PBRM1: variants seen among roughly 807,000 people sequenced by gnomAD.
The protein encoded by PBRM1 is polybromo 1.
Under a neutral mutation model 194.5 loss-of-function variants are expected in PBRM1, and 27 were observed. The ratio of observed to expected loss-of-function variants is 0.14; its 90% confidence interval spans 0.10 to 0.19. The LOEUF is 0.19. Ranked by LOEUF, PBRM1 falls within the 10% of genes least tolerant of loss-of-function variation. PBRM1 has a pLI of 1.00. For missense variants in PBRM1, 1,466 were observed against 2,077.2 expected (o/e 0.71, Z 5.72); for synonymous variants, 655 against 693.2 (o/e 0.94, Z 0.87).
intron 17 of PBRM1, among the ~76,000 whole-genome samples, chr3:52,602,646 C>T (rs1300008756): frequency 1.3e-5 from 2 of 152,226 alleles, no homozygotes; most frequent in Non-Finnish European, 2.9e-5. Flanking sequence ...CCACTTTTAG[C>T]TGGCAAAGTC....
chr3:52,678,453 C>T (rs2154056302), intron 2 of PBRM1, 47 bp downstream of exon 3: 1 of 1,260,436 alleles, frequency 7.9e-7, no homozygotes. Context: ...TACACATGGA[C>T]TCTGGACCAA....
At chr3:52,628,827 CA>C in intron 12 of PBRM1, 66 bp downstream of exon 13, 1 of 1,411,638 alleles carries the variant, frequency 7.1e-7, no homozygotes, top group Non-Finnish European at 1.0e-6. Context: ...TACTAGAACA[CA>C]CTCAAAACAT....
chr3:52,613,555 G>A (rs969376724), intron 15 of PBRM1, among the ~76,000 whole-genome samples: 1 of 151,954 alleles, frequency 6.6e-6, no homozygotes, highest in Admixed American at 6.6e-5. Flanking sequence ...TGTTGCCCAG[G>A]CTGGTCTCAA....
intron 20 of PBRM1, among the ~76,000 whole-genome samples, chr3:52,584,320 A>G (rs1031558219): frequency 2.0e-5 from 3 of 152,104 alleles, no homozygotes; most frequent in African/African-American, 7.2e-5. Flanking sequence ...CTTTACTTTC[A>G]AAAGTCTTAC....
intron 4 of PBRM1, among the ~76,000 whole-genome samples, chr3:52,659,870 T>C (rs1398005126): frequency 6.6e-6 from 1 of 152,184 alleles, no homozygotes; most frequent in Non-Finnish European, 1.5e-5. Context: ...AGTGGGAGGA[T>C]CACCTGAGGT....
intron 17 of PBRM1, among the ~76,000 whole-genome samples, chr3:52,595,396 T>A (rs1453232747): frequency 2.0e-5 from 3 of 152,116 alleles, no homozygotes; most frequent in Non-Finnish European, 4.4e-5. Context: ...TTAACTGGAG[T>A]GATATGATAT....
intron 2 of PBRM1, among the ~76,000 whole-genome samples, chr3:52,670,450 G>C (rs2096923312): frequency 6.6e-6 from 1 of 152,114 alleles, no homozygotes; most frequent in Non-Finnish European, 1.5e-5. Context: ...CTTCTCTATA[G>C]GCACATGTAC....
intron 2 of PBRM1, among the ~76,000 whole-genome samples, chr3:52,675,613 T>G (rs1561090775): frequency 1.3e-5 from 2 of 152,192 alleles, no homozygotes; most frequent in Admixed American, 1.3e-4. Flanking sequence ...TTTAAGTATT[T>G]TGCCACTGAA....
At chr3:52,554,504 G>A (rs2081795023) in intron 27 of PBRM1, among the ~76,000 whole-genome samples, 1 of 152,256 alleles carries the variant, frequency 6.6e-6, no homozygotes, top group South Asian at 2.1e-4. Flanking sequence ...CCTCTGCCAT[G>A]TGTGCTGTGC....
chr3:52,588,775 C>A (rs1237255718), intron 18 of PBRM1, among the ~76,000 whole-genome samples: 1 of 152,006 alleles, frequency 6.6e-6, no homozygotes, highest in Admixed American at 6.6e-5. Context: ...CCAGGATGGT[C>A]TCGATTTCCT....
rs1363912866 is a variant in PBRM1, at chr3:52,561,449, A to G, written c.4288+318T>C. Among the ~76,000 whole-genome samples the G allele has an allele frequency of 2.0e-5, 3 of 152,248 alleles. No individual in the cohort carries two copies. In the East Asian group the frequency reaches 5.8e-4, roughly 29 times the overall value. On this transcript the variant is annotated intron_variant, in intron 25 of 29. Coordinates refer to ENST00000296302, the Ensembl canonical transcript of PBRM1. Reference sequence around the variant, plus strand: ...AAAATTATATTTAACATCATTGTACAATAATTCCCTAGCTCAACATGTGTG... The same window carrying G: ...AAAATTATATTTAACATCATTGTACGATAATTCCCTAGCTCAACATGTGTG...
chr3:52,656,786 A>C lies in PBRM1; in HGVS notation c.645+1413T>G, dbSNP rs573995417. On this transcript the variant is annotated intron_variant, in intron 5 of 29. Transcript: ENST00000296302. Reference sequence around the variant, plus strand: ...ATGAATGAGTAAACAAAATGTAGTAAGGCACGGTGGCACAAGCCTGTATAC... The same window carrying C: ...ATGAATGAGTAAACAAAATGTAGTACGGCACGGTGGCACAAGCCTGTATAC... Among the ~76,000 whole-genome samples the C allele has an allele frequency of 4.6e-5, 7 of 152,126 alleles. No individual in the cohort carries two copies. The South Asian group carries it at 1.0e-3, about 23-fold the overall frequency.
intron 3 of PBRM1, among the ~76,000 whole-genome samples, chr3:52,665,609 G>C (rs1578024960): frequency 6.6e-6 from 1 of 152,192 alleles, no homozygotes; most frequent in East Asian, 1.9e-4. Context: ...CACATCAGCA[G>C]TGGCATTAGA....
At chr3:52,590,247 G>C (rs1419120623) in intron 17 of PBRM1, among the ~76,000 whole-genome samples, 1 of 151,932 alleles carries the variant, frequency 6.6e-6, no homozygotes, top group African/African-American at 2.4e-5. Context: ...AGGTCAAGAA[G>C]AGTTCAAGGC....
chr3:52,583,096 C>CAAA (rs1157790825), intron 20 of PBRM1, among the ~76,000 whole-genome samples: 11 of 62,038 alleles, frequency 1.8e-4, no homozygotes, highest in East Asian at 4.6e-4. Context: ...GACTCCATCT[C>CAAA]AAAAAAAAAA....
At position 52,625,780 on chromosome 3, in the gene PBRM1, T is replaced by C. The variant is rs557653734; in HGVS notation, c.1541+1493A>G. ...TTAGTAGAGATGAGGTTTCACCACG[T>C]TGTCCAGGCTGGTCTCGAAACTCCT... On this transcript the variant is annotated intron_variant, in intron 13 of 29. Transcript: ENST00000296302. 3.3e-5 allele frequency among the ~76,000 whole-genome samples: 5 copies of C among 152,210 alleles called. No homozygotes were observed. The South Asian group carries it at 1.0e-3, about 32-fold the overall frequency.
At chr3:52,677,408 CTTTTTTTTTT>C (rs71087007) in intron 2 of PBRM1, among the ~76,000 whole-genome samples, 5 of 110,812 alleles carry the variant, frequency 4.5e-5, no homozygotes, top group African/African-American at 9.1e-5. Context: ...CCATGCTCGG[CTTTTTTTTTT>C]TTTTTTTTTT....
intron 3 of PBRM1, 22 bp from the exon 5 acceptor site, chr3:52,662,298 A>C: frequency 1.3e-6 from 2 of 1,575,738 alleles, no homozygotes; most frequent in Non-Finnish European, 1.7e-6. Context: ...CAAAGAGAAA[A>C]AAAAAAACAC....
In PBRM1 at chr3:52,624,955, A is replaced by C; in HGVS notation, c.1541+2318T>G. On this transcript the variant is annotated intron_variant, in intron 13 of 29. Transcript: ENST00000296302. ...TCATGAGTGTTCCTGGGAAAGCAGA[A>C]ACAAACATTACATGTAAAGAGAAAC... The C allele has an allele frequency of 6.5e-7, 1 of 1,539,254 alleles. No individual in the cohort carries two copies. The highest frequency in any genetic ancestry group is 1.2e-5 in the South Asian group (1 of 83,836).
Sources: gnomAD v4.1 joint callset for allele counts (sites outside exome capture counted in the v4.1 genomes callset) on GRCh38, gnomAD v4.1.1 for gene constraint, MANE v1.5 for transcripts, NCBI Gene and HGNC (gene_info 2026-07-23, HGNC 2026-07-21) for gene names.